The following AK9 variants were observed in gnomAD, a reference collection of about 807,000 sequenced individuals.
AK9 encodes the protein adenylate kinase 9.
A neutral mutation model predicts 239.6 loss-of-function variants in AK9; 191 were observed. The ratio of observed to expected loss-of-function variants is 0.80; its 90% CI spans 0.71 to 0.90. The LOEUF (loss-of-function observed/expected upper bound fraction) is 0.90. Among genes scored for constraint, AK9 ranks in the 40% least tolerant of loss-of-function variants. The pLI is 0.00. For missense variants in AK9, 1,995 were observed against 2,214.7 expected, an observed-to-expected ratio of 0.90 and a Z score of 1.99; for synonymous variants, 689 against 721.0, an observed-to-expected ratio of 0.96 and a Z score of 0.71.
chr6:109,663,884 G>T (rs527305192), intron 5 of AK9, among the ~76,000 whole-genome samples: 12 of 152,286 alleles, frequency 7.9e-5, no homozygotes, highest in Middle Eastern at 3.4e-3. Context: ...TTATTCCAAA[G>T]GCTATTAAAA....
chr6:109,497,627 A>T, intron 37 of AK9, 64 bp from the exon 38 acceptor site: 1 of 1,369,298 alleles, frequency 7.3e-7, no homozygotes, highest in East Asian at 2.3e-5. Context: ...CTGTGTAAAT[A>T]AAAAGTCAAA....
intron 28 of AK9, among the ~76,000 whole-genome samples, chr6:109,531,420 C>A (rs976670383): frequency 3.3e-5 from 5 of 151,910 alleles, no homozygotes; most frequent in African/African-American, 1.2e-4. Context: ...CTTTCCTATT[C>A]TAGGTCCCTA....
chr6:109,600,030 C>T (rs911148750), intron 17 of AK9, among the ~76,000 whole-genome samples: 1 of 152,034 alleles, frequency 6.6e-6, no homozygotes, highest in Non-Finnish European at 1.5e-5. Flanking sequence ...CAAACAGGGA[C>T]AATTTGATTT....
At chr6:109,673,912 CTGTT>C (rs947894613) in intron 3 of AK9, among the ~76,000 whole-genome samples, 4 of 151,074 alleles carry the variant, frequency 2.6e-5, no homozygotes, top group East Asian at 1.9e-4. Context: ...GGTGGGAAGA[CTGTT>C]TGAGCCCAGG....
chr6:109,623,879 A>G (rs1795164590), intron 12 of AK9, among the ~76,000 whole-genome samples: 1 of 147,026 alleles, frequency 6.8e-6, no homozygotes, highest in Admixed American at 6.8e-5. Flanking sequence ...ACACACACAC[A>G]CACACACACA....
rs1562310388 is a variant in AK9 at position 109,493,589 on chromosome 6, G to C, written c.5534-18C>G. The C allele has an allele frequency of 1.3e-6, 2 of 1,595,448 alleles. No individual in the cohort carries two copies. The highest frequency in any genetic ancestry group is 1.7e-6 in the Non-Finnish European group (2 of 1,165,612). On this transcript the variant is annotated intron_variant, in intron 40 of 40. Transcript: ENST00000424296. ...ATTAAATGCTGTAGAAAATTTCACA[G>C]AACTGTGAATAATTTCTGCTAGTTA...
At chr6:109,596,607 T>C (rs1161124502) in intron 17 of AK9, among the ~76,000 whole-genome samples, 1 of 152,116 alleles carries the variant, frequency 6.6e-6, no homozygotes, top group Non-Finnish European at 1.5e-5. Context: ...CAGGTGTGCC[T>C]AATGCCTAGA....
chr6:109,644,138 T>A (rs1346955837), intron 9 of AK9, among the ~76,000 whole-genome samples: 1 of 152,250 alleles, frequency 6.6e-6, no homozygotes, highest in African/African-American at 2.4e-5. Flanking sequence ...AGACACTTAT[T>A]TGACATTTAA....
chr6:109,637,207 G>A (rs958532241), intron 10 of AK9, among the ~76,000 whole-genome samples: 3 of 152,138 alleles, frequency 2.0e-5, no homozygotes, highest in Non-Finnish European at 2.9e-5. Flanking sequence ...TTAGAGAAAT[G>A]TCTATTCAAA....
At chr6:109,498,111 A>G (rs1048298303) in intron 36 of AK9, 146 bp from the exon 37 acceptor site, 2 of 721,434 alleles carry the variant, frequency 2.8e-6, no homozygotes, top group African/African-American at 3.6e-5. Context: ...TCTCCTCTGA[A>G]AGGAAGTTCC....
intron 29 of AK9, among the ~76,000 whole-genome samples, chr6:109,518,754 T>C (rs1779516682): frequency 6.6e-6 from 1 of 152,106 alleles, no homozygotes; most frequent in South Asian, 2.1e-4. Flanking sequence ...ATTAGCAATA[T>C]ATTTAAATTT....
chr6:109,502,431 A>G (rs573661271), intron 35 of AK9, among the ~76,000 whole-genome samples: 1 of 152,306 alleles, frequency 6.6e-6, no homozygotes, highest in African/African-American at 2.4e-5. Context: ...TGATGTGTCC[A>G]CAAGCTCAGG....
At position 109,600,460 on chromosome 6, in the gene AK9, C is replaced by T. The variant is rs558017126; in HGVS notation, c.1842+9905G>A. Among the ~76,000 whole-genome samples the T allele has an allele frequency of 2.0e-4, 31 of 152,168 alleles. No homozygotes were observed. The East Asian group carries it at 2.7e-3, about 13-fold the overall frequency. ...ATCATGGTGGATAAGCTTTTTCATG[C>T]GCTGTTGGATTTGGTTTACCAGTAT... On this transcript the variant is annotated intron_variant, in intron 17 of 40. Coordinates refer to ENST00000424296, the MANE Select transcript of AK9 (RefSeq NM_001145128.3).
intron 17 of AK9, among the ~76,000 whole-genome samples, chr6:109,605,242 T>C (rs1583222079): frequency 6.6e-6 from 1 of 151,974 alleles, no homozygotes; most frequent in Non-Finnish European, 1.5e-5. Flanking sequence ...TTGAGAACAG[T>C]CTGGGCAACA....
intron 17 of AK9, among the ~76,000 whole-genome samples, chr6:109,598,424 T>G (rs969351371): frequency 2.2e-4 from 33 of 152,318 alleles, no homozygotes; most frequent in African/African-American, 7.9e-4. Flanking sequence ...TATGGCTGCA[T>G]AGTATTCCAT....
At chr6:109,523,956 C>T (rs536503095) in intron 29 of AK9, among the ~76,000 whole-genome samples, 2 of 152,242 alleles carry the variant, frequency 1.3e-5, no homozygotes, top group Admixed American at 6.5e-5. Flanking sequence ...ATAACATTTA[C>T]AATTCTAGAA....
intron 31 of AK9, among the ~76,000 whole-genome samples, chr6:109,515,602 G>C (rs1421240666): frequency 1.3e-5 from 2 of 152,144 alleles, no homozygotes; most frequent in Non-Finnish European, 2.9e-5. Flanking sequence ...TCATGGATGG[G>C]AGTAAATGCT....
In AK9 at chr6:109,672,138, C is replaced by G. The variant is rs1771011748; in HGVS notation, c.211G>C (p.Ala71Pro). The stretch of plus-strand genomic sequence containing the variant: ...ACCATAACTCCTGATTCGGTTTCAG[C>G]AGCAATCTGTTCTTCTAAAATTGGC... ...ALPILEEQIA[A>P]ETESGVMLQS... The change falls in exon 4 of 41, where the codon GCT becomes CCT. Residue 71 changes from alanine (A) to proline (P), a missense_variant. Around this residue, in one of 5 missense-constraint regions of AK9, gnomAD observed 252 missense variants for 246.4 expected, o/e 1.02. Coordinates refer to ENST00000424296, the MANE Select transcript of AK9 (RefSeq NM_001145128.3). The G allele has an allele frequency of 1.9e-6, 3 of 1,613,164 alleles. No homozygotes were observed. Among genetic ancestry groups the G allele is most frequent in the Non-Finnish European group, 1.7e-6 (2 of 1,179,570 alleles).
rs1796322699 is a variant in AK9 at position 109,633,225 on chromosome 6, T to A, written c.1032A>T (p.Lys344Asn). 3.1e-6 allele frequency: 5 copies of A among 1,603,688 alleles called. No homozygotes were observed. The East Asian group carries it at 1.1e-4, about 36-fold the overall frequency. ...GTAATCCTGAATAAATGTTACCATCTTTTAAATTCACAGGACATGTACGTC... is the reference window on the plus strand; with the variant it reads ...GTAATCCTGAATAAATGTTACCATCATTTAAATTCACAGGACATGTACGTC... ...KWGRTCPVNL[K>N]DGNIYSGLPD... The change falls in exon 11 of 41, where the codon AAA (lysine) becomes AAT (asparagine). Residue 344 changes from lysine to asparagine, a missense_variant. By Grantham distance (94) the Lys-to-Asn change is moderately conservative. This residue lies in a region of AK9 where 1,290 missense variants were observed against 1,392.7 expected (regional missense o/e 0.93). Coordinates refer to ENST00000424296, the MANE Select transcript of AK9 (RefSeq NM_001145128.3).
Sources: allele counts gnomAD v4.1 joint callset (sites outside exome capture counted in the v4.1 genomes callset), GRCh38; gene constraint gnomAD v4.1.1; regional missense constraint gnomAD v4.1.1; transcripts MANE v1.5; gene names NCBI Gene and HGNC (gene_info 2026-07-23, HGNC 2026-07-21).